SLC60A1: variants seen among roughly 807,000 people sequenced by gnomAD.
The protein encoded by SLC60A1 is solute carrier family 60 member 1.
the SLC60A1 span, chr1:205,584,862 T>C: frequency 6.2e-7 from 1 of 1,611,292 alleles, no homozygotes; most frequent in Non-Finnish European, 8.5e-7. Context: ...CTGTTCTTCC[T>C]GTGCCTCCTG....
chr1:205,584,068 G>A, the SLC60A1 span: 10 of 1,614,072 alleles, frequency 6.2e-6, no homozygotes, highest in Non-Finnish European at 8.5e-6. Context: ...TGGAGACACA[G>A]CCTCCTGAGA....
At chr1:205,575,127 C>T in the SLC60A1 span, among the ~76,000 whole-genome samples, 5 of 152,286 alleles carry the variant, frequency 3.3e-5, no homozygotes, top group African/African-American at 1.2e-4. Context: ...CCAGGGGGTC[C>T]CTTGTCTACT....
chr1:205,584,013 G>C, the SLC60A1 span: 1 of 1,614,032 alleles, frequency 6.2e-7, no homozygotes, highest in East Asian at 2.2e-5. Flanking sequence ...CTGACCTGCT[G>C]TCCCCAGAGG....
the SLC60A1 span, chr1:205,569,209 A>T: frequency 2.6e-6 from 4 of 1,557,474 alleles, no homozygotes. Context: ...TGTCAGACGC[A>T]CAGCTCGCTG....
At chr1:205,584,006 A>G in the SLC60A1 span, 13 of 1,613,954 alleles carry the variant, frequency 8.1e-6, no homozygotes, top group South Asian at 1.4e-4. Flanking sequence ...GCGGCTGCTG[A>G]CCTGCTGTCC....
chr1:205,592,210 C>T, the SLC60A1 span: 2 of 1,614,124 alleles, frequency 1.2e-6, no homozygotes, highest in East Asian at 2.2e-5. Flanking sequence ...TTCGTGGGGA[C>T]GGCAAGCCTG....
chr1:205,599,218 T>G, the SLC60A1 span: 1 of 1,614,104 alleles, frequency 6.2e-7, no homozygotes, highest in Admixed American at 1.7e-5. Context: ...CTTGCTCCTG[T>G]TTTTCCACAG....
At chr1:205,583,809 G>A in the SLC60A1 span, 1 of 1,102,956 alleles carries the variant, frequency 9.1e-7, no homozygotes, top group Non-Finnish European at 1.2e-6. Flanking sequence ...GGCTTCTTAG[G>A]TTGGGATGGC....
At chr1:205,593,942 G>A in the SLC60A1 span, among the ~76,000 whole-genome samples, 23 of 152,150 alleles carry the variant, frequency 1.5e-4, no homozygotes, top group Admixed American at 1.4e-3. Context: ...CCTCTGAGTG[G>A]GGGCACTACA....
the SLC60A1 span, chr1:205,584,772 C>A: frequency 1.0e-6 from 1 of 964,180 alleles, no homozygotes; most frequent in Non-Finnish European, 1.7e-6. Flanking sequence ...GTAAGTGGGC[C>A]CCATCCTGCA....
the SLC60A1 span, chr1:205,580,038 C>G: frequency 3.6e-6 from 5 of 1,371,680 alleles, no homozygotes; most frequent in Admixed American, 6.9e-5. The surrounding 1 kb of genome is among the most constrained non-coding windows in gnomAD (Gnocchi z 5.0). Context: ...CCTCCTCCCC[C>G]AGGGGCCCAC....
At chr1:205,572,071 TG>T in the SLC60A1 span, among the ~76,000 whole-genome samples, 2 of 152,084 alleles carry the variant, frequency 1.3e-5, no homozygotes, top group African/African-American at 4.8e-5. Flanking sequence ...GGACTACGTG[TG>T]GAAGGTGGAG....
chr1:205,598,026 A>G, the SLC60A1 span: 2 of 613,148 alleles, frequency 3.3e-6, no homozygotes, highest in African/African-American at 3.7e-5. Context: ...CAGCCCTGAG[A>G]GCTGAGCCTC....
the SLC60A1 span, among the ~76,000 whole-genome samples, chr1:205,586,949 C>T: frequency 5.3e-5 from 8 of 152,152 alleles, no homozygotes; most frequent in South Asian, 2.1e-4. Context: ...CCACCCGCCT[C>T]GGCCTCCCAA....
At chr1:205,596,544 C>CAAAAAAAAAAAAA in the SLC60A1 span, among the ~76,000 whole-genome samples, 16 of 49,134 alleles carry the variant, frequency 3.3e-4, 1 homozygote, top group Non-Finnish European at 5.1e-4. Flanking sequence ...GACTCTGTCT[C>CAAAAAAAAAAAAA]AAAAAAAAAA....
chr1:205,586,104 G>T, the SLC60A1 span: 1 of 1,613,556 alleles, frequency 6.2e-7, no homozygotes, highest in South Asian at 1.1e-5. Flanking sequence ...AAGGTGGCTG[G>T]CTACCTCCCC....
the SLC60A1 span, chr1:205,586,129 C>T: frequency 2.9e-5 from 47 of 1,613,634 alleles, no homozygotes; most frequent in Non-Finnish European, 3.5e-5. Flanking sequence ...TCTTCTGGGG[C>T]TTCATCACAC....
chr1:205,581,094 ACTC>A, the SLC60A1 span, among the ~76,000 whole-genome samples: 1 of 152,182 alleles, frequency 6.6e-6, no homozygotes, highest in Non-Finnish European at 1.5e-5. The surrounding 1 kb of genome is among the most constrained non-coding windows in gnomAD (Gnocchi z 4.2). Flanking sequence ...CCCCTGCACT[ACTC>A]CACCATCCTT....
chr1:205,569,217 C>T, the SLC60A1 span: 1 of 1,561,192 alleles, frequency 6.4e-7, no homozygotes, highest in Non-Finnish European at 8.7e-7. Flanking sequence ...GCACAGCTCG[C>T]TGCCCCAGAT....
Sources: gnomAD v4.1 joint callset for allele counts (sites outside exome capture counted in the v4.1 genomes callset) on GRCh38, gnomAD v4.1.1 for gene constraint, Gnocchi (gnomAD v3.1) non-coding constraint, MANE v1.5 for transcripts, NCBI Gene and HGNC (gene_info 2026-07-23, HGNC 2026-07-21) for gene names.